Variants in SYNPO2 observed in about 807,000 individuals in gnomAD.
SYNPO2 encodes synaptopodin 2.
Under a neutral mutation model 85.0 loss-of-function variants are expected in SYNPO2, and 56 were observed. The ratio of observed to expected loss-of-function variants is 0.66; its 90% CI spans 0.53 to 0.82. SYNPO2 has a LOEUF of 0.82. Among genes scored for constraint, SYNPO2 ranks in the 40% least tolerant of loss-of-function variants. SYNPO2 has a pLI of 0.00. For missense variants in SYNPO2, 1,575 were observed against 1,534.2 expected (o/e 1.03, Z -0.44); for synonymous variants, 602 against 591.1 (o/e 1.02, Z -0.27).
At chr4:118,880,762 A>T (rs1229091382) in intron 1 of SYNPO2, among the ~76,000 whole-genome samples, 1 of 151,910 alleles carries the variant, frequency 6.6e-6, no homozygotes, top group Non-Finnish European at 1.5e-5. Context: ...AAAAAAAAAA[A>T]AATTATGCAA....
At chr4:118,877,095 A>C (rs1212325255) in intron 1 of SYNPO2, among the ~76,000 whole-genome samples, 3 of 151,982 alleles carry the variant, frequency 2.0e-5, no homozygotes, top group Admixed American at 6.6e-5. Flanking sequence ...GAGCCACTGC[A>C]CCTGGCCTTC....
At chr4:118,884,342 T>C (rs1056482430), upstream of SYNPO2, among the ~76,000 whole-genome samples, 1 of 152,214 alleles carries the variant, frequency 6.6e-6, no homozygotes, top group African/African-American at 2.4e-5. Flanking sequence ...GCTTTCTCCA[T>C]TGGCTGCAAA....
At chr4:119,037,468 C>G in intron 4 of SYNPO2, 1 of 1,056,360 alleles carries the variant, frequency 9.5e-7, no homozygotes, top group Non-Finnish European at 1.1e-6. Context: ...TTTCATTTGT[C>G]TTTTCTTCAG....
At position 118,969,652 on chromosome 4, in the gene SYNPO2, T is replaced by G. The variant is rs1388070182; in HGVS notation, c.106-53778T>G. Among the ~76,000 whole-genome samples the G allele has an allele frequency of 2.0e-5, 3 of 152,216 alleles. No homozygotes were observed. In the East Asian group the frequency reaches 5.8e-4, roughly 29 times the overall value. ...CAATGGCCTGAAACCAAAGAAGCAC[T>G]GTGTTCCTGTGAACCAGGACTTTCT... On this transcript the variant is annotated intron_variant, in intron 1 of 4. Transcript: ENST00000307142.
chr4:119,019,482 A>G lies in SYNPO2; in HGVS notation c.106-3948A>G, dbSNP rs115877659. Among the ~76,000 whole-genome samples the G allele has an allele frequency of 6.8e-3, 1,028 of 152,264 alleles. 13 individuals carry two copies. Among genetic ancestry groups the G allele is most frequent in the African/African-American group, 0.023 (957 of 41,546 alleles). On this transcript the variant is annotated intron_variant, in intron 1 of 4. Coordinates refer to ENST00000307142, the MANE Select transcript of SYNPO2 (RefSeq NM_133477.3). ...ATCACAGTTTATGAAAGATAATTAT[A>G]CTCAATTTTGAACTTATAACACATT...
intron 1 of SYNPO2, among the ~76,000 whole-genome samples, chr4:118,875,698 A>G (rs1178651963): frequency 3.3e-5 from 5 of 152,162 alleles, no homozygotes; most frequent in Non-Finnish European, 7.3e-5. Flanking sequence ...TTTTCCAAAG[A>G]CTACCTTCTG....
In SYNPO2 at chr4:118,935,955, G is replaced by A. The variant is rs561739555; in HGVS notation, c.105+46814G>A. Among the ~76,000 whole-genome samples, 137 of 152,258 alleles carry A rather than the reference G, an allele frequency of 9.0e-4. 2 individuals carry two copies. The Middle Eastern group carries it at 0.01, about 11-fold the overall frequency. On this transcript the variant is annotated intron_variant, in intron 1 of 4. Coordinates refer to ENST00000307142, the MANE Select transcript of SYNPO2 (RefSeq NM_133477.3). ...GGAGGGGTTGATTTTGCTGTCTTAG[G>A]GGTGGCAGAGGCAGAAGAGGGGAGG...
chr4:118,890,733 C>CTCTCTCTCTCTCTCTCTGTG (rs749295331), intron 1 of SYNPO2, among the ~76,000 whole-genome samples: 5 of 126,150 alleles, frequency 4.0e-5, no homozygotes, highest in African/African-American at 9.0e-5. Flanking sequence ...CTCTCTCTCT[C>CTCTCTCTCTCTCTCTCTGTG]TGTGTGTGTG....
At chr4:118,946,192 A>G (rs1257871670) in intron 1 of SYNPO2, among the ~76,000 whole-genome samples, 1 of 152,224 alleles carries the variant, frequency 6.6e-6, no homozygotes, top group Non-Finnish European at 1.5e-5. Context: ...GACGACTTAT[A>G]TCTAAGAAGT....
chr4:119,030,457 T>C lies in SYNPO2; in HGVS notation c.1682T>C (p.Leu561Pro). The C allele has an allele frequency of 2.5e-6, 4 of 1,614,184 alleles. No individual in the cohort carries two copies. The highest frequency in any genetic ancestry group is 3.4e-6 in the Non-Finnish European group (4 of 1,180,040). The stretch of plus-strand genomic sequence containing the variant: ...AGCTACATCGAGGTGAGTCATGGTC[T>C]TGGCCATGTTCCCCAACAGAATGGC... The part of the protein sequence containing the change: ...SKSYIEVSHG[L>P]GHVPQQNGFS... The change falls in exon 4 of 5, where the codon CTT becomes CCT. Residue 561 changes from leucine (L) to proline (P), a missense_variant. By Grantham distance (98) the Leu-to-Pro change is moderately conservative (BLOSUM62 -3). Transcript: ENST00000307142.
chr4:119,034,306 G>C (rs994067930), intron 4 of SYNPO2: 2 of 984,186 alleles, frequency 2.0e-6, no homozygotes, highest in African/African-American at 3.5e-5. Flanking sequence ...TAGTCGGTTT[G>C]AGATCATCGG....
chr4:118,888,671 T>G (rs1304648758), upstream of SYNPO2, among the ~76,000 whole-genome samples: 1 of 152,224 alleles, frequency 6.6e-6, no homozygotes, highest in Non-Finnish European at 1.5e-5. Context: ...TAGTGCAAGA[T>G]AACTTTGGCT....
At chr4:118,944,591 G>A (rs1365712048) in intron 1 of SYNPO2, among the ~76,000 whole-genome samples, 2 of 151,952 alleles carry the variant, frequency 1.3e-5, no homozygotes, top group Admixed American at 6.6e-5. Context: ...ATGTTACGGC[G>A]ATGGTTCAGG....
At chr4:119,021,575 A>G (rs1041037327) in intron 1 of SYNPO2, among the ~76,000 whole-genome samples, 1 of 152,220 alleles carries the variant, frequency 6.6e-6, no homozygotes, top group Admixed American at 6.5e-5. Context: ...TGAACTCATA[A>G]AATGAAATCT....
At chr4:119,019,645 A>C (rs1737644874) in intron 1 of SYNPO2, among the ~76,000 whole-genome samples, 1 of 152,290 alleles carries the variant, frequency 6.6e-6, no homozygotes, top group African/African-American at 2.4e-5. Context: ...GGAACTTTAC[A>C]CACATTATTT....
chr4:118,998,889 TTTTTGTTTTTG>T (rs904399246), intron 1 of SYNPO2, among the ~76,000 whole-genome samples: 62 of 151,408 alleles, frequency 4.1e-4, no homozygotes, highest in African/African-American at 1.4e-3. Context: ...TCTGTTTTTG[TTTTTGTTTTTG>T]TTTTGTTTTT....
chr4:118,920,697 G>A (rs1214997314), intron 1 of SYNPO2, among the ~76,000 whole-genome samples: 1 of 152,066 alleles, frequency 6.6e-6, no homozygotes, highest in Non-Finnish European at 1.5e-5. Flanking sequence ...TATTAAAATT[G>A]CATATTGGAA....
intron 1 of SYNPO2, among the ~76,000 whole-genome samples, chr4:118,899,749 T>C (rs2149118063): frequency 6.6e-6 from 1 of 152,316 alleles, no homozygotes; most frequent in East Asian, 1.9e-4. Flanking sequence ...ACCCTGGCTG[T>C]ACTTTTTTGT....
At chr4:118,970,921 T>G (rs1388118364) in intron 1 of SYNPO2, among the ~76,000 whole-genome samples, 2 of 152,228 alleles carry the variant, frequency 1.3e-5, no homozygotes, top group African/African-American at 4.8e-5. Flanking sequence ...AATGTCAACA[T>G]GAGTTCCAGA....
Sources: gnomAD v4.1 joint callset for allele counts (sites outside exome capture counted in the v4.1 genomes callset) on GRCh38, gnomAD v4.1.1 for gene constraint, MANE v1.5 for transcripts, NCBI Gene and HGNC (gene_info 2026-07-23, HGNC 2026-07-21) for gene names.